Variants in MAP3K5 observed in about 807,000 individuals in gnomAD.
MAP3K5 encodes the protein ASK-1.
A neutral mutation model predicts 158.7 loss-of-function variants in MAP3K5; 56 were observed. The observed-to-expected ratio is 0.35, with a 90% CI of 0.28 to 0.44. The LOEUF is 0.44. Among genes scored for constraint, MAP3K5 ranks in the 20% least tolerant of loss-of-function variants. The probability of loss-of-function intolerance (pLI) is 1.00; values close to 1 mark genes in which losing one functional copy is unlikely to be tolerated. For synonymous variants in MAP3K5, 579 were observed against 601.7 expected, an observed-to-expected ratio of 0.96 and a Z score of 0.55; for missense variants, 1,294 against 1,674.8, an observed-to-expected ratio of 0.77 and a Z score of 3.97.
At chr6:136,618,990 G>A (rs951054633) in intron 15 of MAP3K5, among the ~76,000 whole-genome samples, 3 of 152,206 alleles carry the variant, frequency 2.0e-5, no homozygotes, top group African/African-American at 4.8e-5. Flanking sequence ...CATTTTGGGC[G>A]AGTGCAACAG....
At chr6:136,642,264 C>A (rs1173806654) in intron 12 of MAP3K5, among the ~76,000 whole-genome samples, 1 of 151,922 alleles carries the variant, frequency 6.6e-6, no homozygotes, top group Non-Finnish European at 1.5e-5. Context: ...TGATTCTGGT[C>A]CATAGTTCAC....
chr6:136,689,286 C>G (rs1780286193), intron 7 of MAP3K5, among the ~76,000 whole-genome samples: 1 of 152,120 alleles, frequency 6.6e-6, no homozygotes, highest in Non-Finnish European at 1.5e-5. Flanking sequence ...GACAACAGAG[C>G]AAGACACTAT....
intron 1 of MAP3K5, among the ~76,000 whole-genome samples, chr6:136,788,618 G>A (rs1784941169): frequency 6.6e-6 from 1 of 152,120 alleles, no homozygotes; most frequent in Non-Finnish European, 1.5e-5. Context: ...TCAGAAGAAG[G>A]CATACAAGCA....
chr6:136,637,743 G>C (rs1435675662), intron 13 of MAP3K5, among the ~76,000 whole-genome samples: 1 of 151,886 alleles, frequency 6.6e-6, no homozygotes, highest in Non-Finnish European at 1.5e-5. Flanking sequence ...TGCTCGCTGT[G>C]ACTAGGCCAT....
Position 136,698,560 on chromosome 6 carries a change from A to C in MAP3K5, c.735T>G (p.Leu245=), listed in dbSNP as rs759026208. The C allele has an allele frequency of 2.5e-6, 4 of 1,614,072 alleles. No individual in the cohort carries two copies. Among genetic ancestry groups the C allele is most frequent in the East Asian group, 2.2e-5 (1 of 44,830 alleles). The part of the protein sequence containing the change: ...TELMQPNFEL[L]LGPICLPLVD... ...CAAGAGGTAAGCAGATGGGTCCAAG[A>C]AGCAGCTCGAAGTTCGGTTGCATGA... is the stretch of plus-strand genomic sequence containing the variant. Residue 245 remains leucine (L), a synonymous_variant, in exon 4 of 30, where the codon CTT becomes CTG. Coordinates refer to ENST00000359015, the MANE Select transcript of MAP3K5 (RefSeq NM_005923.4).
chr6:136,617,661 C>T (rs1776624286), intron 15 of MAP3K5, among the ~76,000 whole-genome samples: 1 of 151,964 alleles, frequency 6.6e-6, no homozygotes, highest in South Asian at 2.1e-4. Context: ...ACGGCCGGTG[C>T]AGTGGTTCAC....
At chr6:136,597,876 C>A (rs964403913) in intron 21 of MAP3K5, among the ~76,000 whole-genome samples, 1 of 152,218 alleles carries the variant, frequency 6.6e-6, no homozygotes, top group Non-Finnish European at 1.5e-5. Context: ...TTAACACTGA[C>A]ATTTAAATAA....
chr6:136,642,276 T>A (rs755557681), intron 12 of MAP3K5, among the ~76,000 whole-genome samples: 3 of 152,106 alleles, frequency 2.0e-5, no homozygotes, highest in African/African-American at 7.2e-5. Context: ...ATAGTTCACA[T>A]TGACCCCACA....
rs558444995 is a variant in MAP3K5, at chr6:136,598,605, C to G, written c.2878+2417G>C. Among the ~76,000 whole-genome samples, 6 of 152,278 alleles carry G rather than the reference C, an allele frequency of 3.9e-5. No homozygotes were observed. In the South Asian group the frequency reaches 1.2e-3, roughly 32 times the overall value. On this transcript the variant is annotated intron_variant, in intron 21 of 29. Coordinates refer to ENST00000359015, the MANE Select transcript of MAP3K5 (RefSeq NM_005923.4). The stretch of plus-strand genomic sequence containing the variant: ...CCATGGAAGAGCAGTCAGGATGAGA[C>G]AAGTCATGTCCCTCTCTAAAGGGGA...
intron 15 of MAP3K5, among the ~76,000 whole-genome samples, chr6:136,616,932 A>G (rs1424178633): frequency 6.6e-6 from 1 of 151,758 alleles, no homozygotes; most frequent in Non-Finnish European, 1.5e-5. Context: ...TGTCCAGGCT[A>G]GTCTCAAACT....
At chr6:136,623,804 C>G (rs1776914752) in intron 14 of MAP3K5, among the ~76,000 whole-genome samples, 1 of 152,196 alleles carries the variant, frequency 6.6e-6, no homozygotes, top group Non-Finnish European at 1.5e-5. Context: ...AACATTAGAA[C>G]AAGCTTTTCA....
At chr6:136,792,883 G>GAGGGTC (rs1259656332), upstream of MAP3K5, among the ~76,000 whole-genome samples, 3 of 152,182 alleles carry the variant, frequency 2.0e-5, no homozygotes, top group Non-Finnish European at 2.9e-5. This position sits in a 1 kb window ranked among gnomAD's most constrained non-coding sequence, Gnocchi z 5.7. Flanking sequence ...TAGCGGCACC[G>GAGGGTC]AGGGTCAGGG....
At position 136,738,273 on chromosome 6, in the gene MAP3K5, C is replaced by T. The variant is rs567084401; in HGVS notation, c.449-17684G>A. ...TCCTGTAACGTATCGCTTGGATCCC[C>T]TACTTCCCTGGTCCAAGGGGAGTTT... On this transcript the variant is annotated intron_variant, in intron 1 of 29. Coordinates refer to ENST00000359015, the MANE Select transcript of MAP3K5 (RefSeq NM_005923.4). Among the ~76,000 whole-genome samples the T allele has an allele frequency of 5.3e-5, 8 of 152,304 alleles. 1 individual carries two copies. In the South Asian group the frequency reaches 1.7e-3, roughly 32 times the overall value.
Position 136,728,194 on chromosome 6 carries a change from G to A in MAP3K5, c.449-7605C>T, listed in dbSNP as rs369735462. ...TTAATTGCATTTTGGTCATCGAATG[G>A]CAGTGGCTGGTAGTCTGTGGGGTTT... On this transcript the variant is annotated intron_variant, in intron 1 of 29. Transcript: ENST00000359015. Among the ~76,000 whole-genome samples the A allele has an allele frequency of 1.4e-4, 22 of 152,258 alleles. No individual in the cohort carries two copies. The East Asian group carries it at 2.7e-3, about 19-fold the overall frequency.
chr6:136,601,093 G>A, intron 20 of MAP3K5, 51 bp from the exon 21 acceptor site: 1 of 1,595,606 alleles, frequency 6.3e-7, no homozygotes, highest in Non-Finnish European at 8.6e-7. Flanking sequence ...TGGGTTTGTT[G>A]TTAAACTGAG....
intron 19 of MAP3K5, 61 bp from the exon 20 acceptor site, chr6:136,602,040 T>A: frequency 7.2e-7 from 1 of 1,380,818 alleles, no homozygotes; most frequent in Non-Finnish European, 1.0e-6. Flanking sequence ...GCACCTGAAC[T>A]CCAGCTTCCA....
intron 1 of MAP3K5, among the ~76,000 whole-genome samples, chr6:136,779,696 T>G (rs1181895528): frequency 1.3e-5 from 2 of 152,218 alleles, no homozygotes; most frequent in East Asian, 3.8e-4. Flanking sequence ...GAGGGTCCCA[T>G]AGTAGCAATT....
chr6:136,633,118 G>A (rs1777451804), intron 14 of MAP3K5, among the ~76,000 whole-genome samples: 1 of 152,064 alleles, frequency 6.6e-6, no homozygotes, highest in South Asian at 2.1e-4. Flanking sequence ...CTTGCTCTTG[G>A]CCAGGCGCAG....
intron 2 of MAP3K5, among the ~76,000 whole-genome samples, chr6:136,719,173 C>A (rs2114773739): frequency 6.6e-6 from 1 of 152,038 alleles, no homozygotes; most frequent in Non-Finnish European, 1.5e-5. Context: ...GAGATCCTGT[C>A]TAAATAAATA....
Sources: allele counts gnomAD v4.1 joint callset (sites outside exome capture counted in the v4.1 genomes callset), GRCh38; gene constraint gnomAD v4.1.1; non-coding constraint Gnocchi (gnomAD v3.1); transcripts MANE v1.5; gene names NCBI Gene and HGNC (gene_info 2026-07-23, HGNC 2026-07-21).